Variants in SORL1 observed in about 807,000 individuals in gnomAD.
The protein encoded by SORL1 is sortilin-related receptor.
SORL1 carries 127 observed loss-of-function variants against 273.7 expected under a neutral mutation model. The ratio of observed to expected loss-of-function variants is 0.46; its 90% confidence interval spans 0.40 to 0.54. SORL1 has a LOEUF of 0.54. SORL1 is among the 20% of genes least tolerant of loss of function. The probability of loss-of-function intolerance (pLI) is 0.00; values close to 1 mark genes in which losing one functional copy is unlikely to be tolerated. For synonymous variants in SORL1, 1,031 were observed against 1,067.4 expected, an observed-to-expected ratio of 0.97 and a Z score of 0.66; for missense variants, 2,494 against 2,846.1, an observed-to-expected ratio of 0.88 and a Z score of 2.81.
intron 30 of SORL1, 194 bp downstream of exon 30, chr11:121,590,368 A>G (rs1449351768): frequency 7.0e-6 from 4 of 573,594 alleles, no homozygotes; most frequent in Non-Finnish European, 1.2e-5. Context: ...TTTTCAGGCT[A>G]TTTATTCCGT....
intron 8 of SORL1, 89 bp downstream of exon 8, chr11:121,514,410 C>T: frequency 7.6e-7 from 1 of 1,309,078 alleles, no homozygotes; most frequent in Non-Finnish European, 1.0e-6. Flanking sequence ...ACATTAGCTG[C>T]CCATGTGGAT....
At position 121,627,817 on chromosome 11, in the gene SORL1, G is replaced by A. The variant is rs766519924; in HGVS notation, c.6577+50G>A. On this transcript the variant is annotated intron_variant, in intron 47 of 47. Transcript: ENST00000260197. This position sits in a 1 kb window ranked among gnomAD's most constrained non-coding sequence, Gnocchi z 4.9. ...TCTTCCTCCCAGGGCTGACCCCCAC[G>A]CAGCCAATGACTTGATTAGGAAACA... 1.3e-5 allele frequency: 18 copies of A among 1,366,760 alleles called. No individual in the cohort carries two copies. Among genetic ancestry groups the A allele is most frequent in the East Asian group, 4.6e-5 (2 of 43,384 alleles). 84.7% of individuals were successfully genotyped at this position (1,366,760 alleles called of 1,614,324 possible). A position where few individuals can be genotyped will look rare whatever the true frequency, so the allele number is the denominator to read the frequency against.
intron 29 of SORL1, 73 bp downstream of exon 29, chr11:121,589,463 T>C: frequency 1.3e-6 from 2 of 1,576,996 alleles, no homozygotes; most frequent in Non-Finnish European, 1.7e-6. Flanking sequence ...ACAGGGACAC[T>C]CACCGGCAAC....
chr11:121,577,082 C>T, intron 24 of SORL1, 199 bp from the exon 25 acceptor site: 2 of 1,105,960 alleles, frequency 1.8e-6, no homozygotes, highest in Admixed American at 2.0e-5. Flanking sequence ...TCTCAGCCCA[C>T]CTGTAACCCA....
Position 121,550,646 on chromosome 11 carries a change from G to C in SORL1, c.2242G>C (p.Glu748Gln), listed in dbSNP as rs1396081574. The C allele has an allele frequency of 6.2e-7, 1 of 1,614,082 alleles. No homozygotes were observed. Among genetic ancestry groups the C allele is most frequent in the African/African-American group, 1.3e-5 (1 of 75,050 alleles). Reference sequence around the variant, plus strand: ...AGATGTTGAAGCGCGACTGGAAGGAGAGCTGGTCCCCTGTCCCCTGGCAGG... The same window carrying C: ...AGATGTTGAAGCGCGACTGGAAGGACAGCTGGTCCCCTGTCCCCTGGCAGG... ...GGDVEARLEG[E>Q]LVPCPLAEEN... Residue 748 changes from glutamate (E) to glutamine (Q), a missense_variant, in exon 16 of 48, where the codon GAG (glutamate) becomes CAG (glutamine). By Grantham distance (29) the Glu-to-Gln change is conservative (BLOSUM62 2). This residue lies in a region of SORL1 where 710 missense variants were observed against 882.5 expected (regional missense o/e 0.80). Transcript: ENST00000260197. This position sits in a 1 kb window ranked among gnomAD's most constrained non-coding sequence, Gnocchi z 5.3.
chr11:121,535,395 C>T (rs1404232175), intron 12 of SORL1, among the ~76,000 whole-genome samples: 4 of 152,314 alleles, frequency 2.6e-5, no homozygotes, highest in African/African-American at 9.6e-5. Flanking sequence ...AGACAACTGT[C>T]GAACATCTAC....
At chr11:121,545,138 CAGAT>C in intron 13 of SORL1, 101 bp from the exon 14 acceptor site, 3 of 1,030,806 alleles carry the variant, frequency 2.9e-6, no homozygotes, top group Non-Finnish European at 4.4e-6. Context: ...GGGGTGGCAA[CAGAT>C]AGACAGGAAG....
intron 2 of SORL1, 37 bp from the exon 3 acceptor site, chr11:121,478,081 A>C: frequency 6.4e-7 from 1 of 1,562,988 alleles, no homozygotes; most frequent in Non-Finnish European, 8.7e-7. Context: ...TTTCTCACCA[A>C]CTCTTTCTTT....
chr11:121,452,673 A>C lies in SORL1; in HGVS notation c.285+57A>C. On this transcript the variant is annotated intron_variant, in intron 1 of 47. Coordinates refer to ENST00000260197, the MANE Select transcript of SORL1 (RefSeq NM_003105.6). This position sits in a 1 kb window ranked among gnomAD's most constrained non-coding sequence, Gnocchi z 5.3. ...TTTTTTCCTCTCCCTGCACTTCCTC[A>C]CCCCCGCATCCATCCGTTGCAGTCG... 1.4e-5 allele frequency: 19 copies of C among 1,351,576 alleles called. No homozygotes were observed. The highest frequency in any genetic ancestry group is 1.7e-5 in the Non-Finnish European group (18 of 1,046,370). 83.7% of individuals were successfully genotyped at this position (1,351,576 alleles called of 1,614,324 possible).
chr11:121,452,476 C>G lies in SORL1; in HGVS notation c.145C>G (p.Leu49Val). 1 of 1,504,340 alleles carries G rather than the reference C, an allele frequency of 6.6e-7. No homozygotes were observed. 93.2% of individuals were successfully genotyped at this position (1,504,340 alleles called of 1,614,324 possible). A position where few individuals can be genotyped will look rare whatever the true frequency, so the allele number is the denominator to read the frequency against. ...SAPLPQDRGF[L>V]VVQGDPRELR... ...GCCCTTGCCCCAGGACCGGGGCTTC[C>G]TCGTGGTGCAGGGCGACCCGCGCGA... is the stretch of plus-strand genomic sequence containing the variant. The change falls in exon 1 of 48, where the codon CTC becomes GTC. Residue 49 changes from leucine (L) to valine (V), a missense_variant. Leu to Val is a conservative substitution (Grantham distance 32). Around this residue, in one of 3 missense-constraint regions of SORL1, gnomAD observed 175 missense variants for 147.1 expected, o/e 1.19. Transcript: ENST00000260197. The surrounding 1 kb of genome is among the most constrained non-coding windows in gnomAD (Gnocchi z 5.3).
chr11:121,603,798 T>A (rs1565351384), intron 32 of SORL1, among the ~76,000 whole-genome samples: 1 of 152,230 alleles, frequency 6.6e-6, no homozygotes, highest in Non-Finnish European at 1.5e-5. Context: ...CTACAGTTTG[T>A]TGATGCCGGC....
At chr11:121,605,062 C>T (rs1187604059) in intron 33 of SORL1, 51 bp from the exon 34 acceptor site, 14 of 1,552,320 alleles carry the variant, frequency 9.0e-6, no homozygotes, top group East Asian at 6.8e-5. Flanking sequence ...TGAGCCACCA[C>T]GCCCAGCCAA....
chr11:121,614,865 T>C lies in SORL1; in HGVS notation c.5420-6T>C. 1.9e-6 allele frequency: 3 copies of C among 1,611,866 alleles called. No individual in the cohort carries two copies. Among genetic ancestry groups the C allele is most frequent in the Non-Finnish European group, 2.5e-6 (3 of 1,178,978 alleles). ...CTCCTGGAATCTCCTTTTCCTGTTT[T>C]CACAGTTGGCAATCTGACAGCTCAT... On this transcript the variant is annotated splice_polypyrimidine_tract_variant and splice_region_variant and intron_variant, in intron 40 of 47. Coordinates refer to ENST00000260197, the MANE Select transcript of SORL1 (RefSeq NM_003105.6).
In SORL1 at chr11:121,570,150, T is replaced by C. The variant is rs746225458; in HGVS notation, c.3224-7T>C. On this transcript the variant is annotated splice_polypyrimidine_tract_variant and splice_region_variant and intron_variant, in intron 22 of 47. Transcript: ENST00000260197. ...CATTTCCTCCCCTGCCGCACTCTGA[T>C]GGGTAGAGAACACCTGTCTTCGCAA... The C allele has an allele frequency of 5.6e-6, 9 of 1,601,872 alleles. No individual in the cohort carries two copies. Among genetic ancestry groups the C allele is most frequent in the Non-Finnish European group, 7.7e-6 (9 of 1,169,256 alleles).
At chr11:121,465,112 A>G (rs1014841786) in intron 1 of SORL1, among the ~76,000 whole-genome samples, 5 of 152,198 alleles carry the variant, frequency 3.3e-5, no homozygotes, top group African/African-American at 1.2e-4. Context: ...TGATTTCCAA[A>G]ACATTTCCAT....
In SORL1 at chr11:121,629,684, C is replaced by CAAA; in HGVS notation, c.*125_*127dup. ...ATGTTATTTTTATATGGGCCAAAAA[C>CAAA]AAAAAACAAAAAAAAAAAAAAGGAA... is the stretch of plus-strand genomic sequence containing the variant. On this transcript the variant is annotated 3_prime_UTR_variant, in exon 48 of 48. Transcript: ENST00000260197. The CAAA allele has an allele frequency of 8.6e-5, 30 of 348,770 alleles. No individual in the cohort carries two copies. Among genetic ancestry groups the CAAA allele is most frequent in the South Asian group, 1.9e-4 (4 of 20,852 alleles). 21.6% of individuals were successfully genotyped at this position (348,770 alleles called of 1,614,324 possible). A position where few individuals can be genotyped will look rare whatever the true frequency, so the allele number is the denominator to read the frequency against.
At chr11:121,577,964 T>C (rs561713390) in intron 25 of SORL1, among the ~76,000 whole-genome samples, 18 of 152,310 alleles carry the variant, frequency 1.2e-4, no homozygotes, top group Admixed American at 4.6e-4. Flanking sequence ...AGATATATTA[T>C]GATGGGGCAG....
At chr11:121,546,841 G>A (rs960321155) in intron 14 of SORL1, 6 of 152,166 alleles carry the variant, frequency 3.9e-5, no homozygotes, top group South Asian at 2.1e-4. Flanking sequence ...GAAACTTTAA[G>A]GTGCATATGA....
chr11:121,497,376 A>AGG (rs1861648863), intron 6 of SORL1, among the ~76,000 whole-genome samples: 1 of 152,144 alleles, frequency 6.6e-6, no homozygotes, highest in Non-Finnish European at 1.5e-5. Context: ...AAGAATGGAG[A>AGG]GGGGAGGGTG....
Sources: allele counts gnomAD v4.1 joint callset (sites outside exome capture counted in the v4.1 genomes callset), GRCh38; gene constraint gnomAD v4.1.1; regional missense constraint gnomAD v4.1.1; non-coding constraint Gnocchi (gnomAD v3.1); transcripts MANE v1.5; gene names NCBI Gene and HGNC (gene_info 2026-07-23, HGNC 2026-07-21).